CAMKMT: variants seen among roughly 807,000 people sequenced by gnomAD.
CAMKMT encodes the protein CaM KMT.
Under a neutral mutation model 48.0 loss-of-function variants are expected in CAMKMT, and 53 were observed. That is an observed-to-expected ratio of 1.10 (90% confidence interval 0.89 to 1.39). The LOEUF (loss-of-function observed/expected upper bound fraction) is 1.39, where lower values mean the gene tolerates loss of function less well. Among genes scored for constraint, CAMKMT ranks in the 40% most tolerant of loss-of-function variants. CAMKMT has a pLI of 0.00. For synonymous variants in CAMKMT, 165 were observed against 152.3 expected, an observed-to-expected ratio of 1.08 and a Z score of -0.61; for missense variants, 428 against 402.7, an observed-to-expected ratio of 1.06 and a Z score of -0.54.
At chr2:44,513,677 G>A (rs911833854) in intron 3 of CAMKMT, among the ~76,000 whole-genome samples, 6 of 152,080 alleles carry the variant, frequency 3.9e-5, no homozygotes, top group African/African-American at 1.4e-4. Context: ...TCCCTTCTTG[G>A]GTAGGAGCAC....
chr2:44,621,214 A>C (rs533675766), intron 3 of CAMKMT, among the ~76,000 whole-genome samples: 30 of 148,032 alleles, frequency 2.0e-4, no homozygotes, highest in African/African-American at 7.0e-4. Context: ...TTGCAGTGAG[A>C]CGAGATCGCA....
intron 3 of CAMKMT, among the ~76,000 whole-genome samples, chr2:44,586,271 C>G (rs1669853371): frequency 6.6e-6 from 1 of 152,002 alleles, no homozygotes; most frequent in South Asian, 2.1e-4. Flanking sequence ...AATTGATTTG[C>G]TATACATTGC....
At chr2:44,661,854 A>G (rs1430857197) in intron 3 of CAMKMT, among the ~76,000 whole-genome samples, 1 of 152,190 alleles carries the variant, frequency 6.6e-6, no homozygotes, top group East Asian at 1.9e-4. Flanking sequence ...TGGTGGTAAA[A>G]TAGACAAGGT....
intron 7 of CAMKMT, among the ~76,000 whole-genome samples, chr2:44,737,307 G>A (rs1356935186): frequency 6.6e-6 from 1 of 152,032 alleles, no homozygotes; most frequent in African/African-American, 2.4e-5. Flanking sequence ...TGTAGAGATG[G>A]GATCTTGCCA....
intron 3 of CAMKMT, among the ~76,000 whole-genome samples, chr2:44,513,595 C>T (rs1158595832): frequency 6.6e-6 from 1 of 152,170 alleles, no homozygotes; most frequent in African/African-American, 2.4e-5. Flanking sequence ...GAAAGGAGAG[C>T]TCCTCTCGGG....
intron 3 of CAMKMT, among the ~76,000 whole-genome samples, chr2:44,392,278 G>T (rs922607733): frequency 2.0e-5 from 3 of 152,044 alleles, no homozygotes; most frequent in Admixed American, 6.6e-5. Flanking sequence ...GATAGAAGTG[G>T]TGACAAAAAT....
chr2:44,501,038 C>G (rs1283424591), intron 3 of CAMKMT, among the ~76,000 whole-genome samples: 1 of 148,498 alleles, frequency 6.7e-6, no homozygotes, highest in Non-Finnish European at 1.5e-5. Context: ...AATTTCTTAG[C>G]TTTTTTTTTA....
At chr2:44,672,385 G>C (rs1035577465) in intron 3 of CAMKMT, among the ~76,000 whole-genome samples, 4 of 151,796 alleles carry the variant, frequency 2.6e-5, no homozygotes, top group African/African-American at 9.7e-5. Flanking sequence ...TCTAGTTTTC[G>C]TGGCTAAAAT....
At chr2:44,659,086 T>G (rs1420921772) in intron 3 of CAMKMT, among the ~76,000 whole-genome samples, 2 of 149,180 alleles carry the variant, frequency 1.3e-5, no homozygotes, top group Non-Finnish European at 3.0e-5. Flanking sequence ...TTTTTTTTTT[T>G]TTTTTTTTTT....
intron 3 of CAMKMT, among the ~76,000 whole-genome samples, chr2:44,577,667 G>A (rs1171818934): frequency 2.2e-5 from 3 of 135,834 alleles, no homozygotes; most frequent in Non-Finnish European, 4.8e-5. Context: ...GAGAGGGAGA[G>A]GGAGAGGGAG....
At chr2:44,558,473 A>G (rs1668142183) in intron 3 of CAMKMT, among the ~76,000 whole-genome samples, 1 of 152,204 alleles carries the variant, frequency 6.6e-6, no homozygotes, top group Non-Finnish European at 1.5e-5. Context: ...TGTATCCTCA[A>G]AAGATAGTTC....
intron 3 of CAMKMT, among the ~76,000 whole-genome samples, chr2:44,491,452 T>C (rs1314411095): frequency 2.0e-5 from 3 of 152,188 alleles, no homozygotes; most frequent in Admixed American, 6.5e-5. Context: ...TACCTTTTGG[T>C]ACACCATTGG....
chr2:44,757,250 A>T (rs1680420666), intron 9 of CAMKMT, among the ~76,000 whole-genome samples: 1 of 152,184 alleles, frequency 6.6e-6, no homozygotes, highest in South Asian at 2.1e-4. Context: ...TGGCCCTAAC[A>T]GGCTCTGGAA....
intron 1 of CAMKMT, among the ~76,000 whole-genome samples, chr2:44,364,272 C>T (rs919119067): frequency 6.6e-6 from 1 of 152,086 alleles, no homozygotes; most frequent in East Asian, 1.9e-4. Flanking sequence ...GTTCTGACAT[C>T]GAAACTTTTG....
intron 3 of CAMKMT, among the ~76,000 whole-genome samples, chr2:44,607,005 A>C (rs979228687): frequency 1.3e-5 from 2 of 152,194 alleles, no homozygotes; most frequent in African/African-American, 4.8e-5. Flanking sequence ...CATAATCAAC[A>C]TTGTGATTTG....
At chr2:44,429,972 A>G (rs935598040) in intron 3 of CAMKMT, among the ~76,000 whole-genome samples, 15 of 152,094 alleles carry the variant, frequency 9.9e-5, no homozygotes, top group African/African-American at 3.6e-4. Flanking sequence ...TCTCTAAATG[A>G]TAAAAATAAT....
intron 3 of CAMKMT, among the ~76,000 whole-genome samples, chr2:44,407,204 G>T (rs1177335348): frequency 6.6e-6 from 1 of 152,182 alleles, no homozygotes; most frequent in Non-Finnish European, 1.5e-5. Context: ...TGGGGTCTTA[G>T]AGAGTTTTTT....
intron 3 of CAMKMT, among the ~76,000 whole-genome samples, chr2:44,414,415 C>G (rs1404229893): frequency 6.6e-6 from 1 of 152,074 alleles, no homozygotes; most frequent in Non-Finnish European, 1.5e-5. Flanking sequence ...ACTGGAAAAT[C>G]TTTCCGGGGT....
At chr2:44,771,666 T>C (rs1331969837) in intron 10 of CAMKMT, among the ~76,000 whole-genome samples, 1 of 152,204 alleles carries the variant, frequency 6.6e-6, no homozygotes, top group Non-Finnish European at 1.5e-5. Context: ...GCCTGAATAG[T>C]GTGGCATTGG....
Sources: allele counts gnomAD v4.1 joint callset (sites outside exome capture counted in the v4.1 genomes callset), GRCh38; gene constraint gnomAD v4.1.1; transcripts MANE v1.5; gene names NCBI Gene and HGNC (gene_info 2026-07-23, HGNC 2026-07-21).